Variants in PHAX observed in about 807,000 individuals in gnomAD.
PHAX encodes the protein phosphorylated adapter RNA export protein.
PHAX carries 31 observed loss-of-function variants against 41.6 expected under a neutral mutation model. The observed-to-expected ratio is 0.75, with a 90% confidence interval of 0.56 to 1.01. The LOEUF is 1.01. Ranked by LOEUF, PHAX falls within the 50% of genes least tolerant of loss-of-function variation. The probability of loss-of-function intolerance (pLI) is 0.00; values close to 1 mark genes in which losing one functional copy is unlikely to be tolerated. For synonymous variants in PHAX, 175 were observed against 164.9 expected (o/e 1.06, Z -0.47); for missense variants, 453 against 472.9 (o/e 0.96, Z 0.39).
chr5:126,617,167 CTTAA>C, intron 3 of PHAX, 79 bp from the exon 4 acceptor site: 1 of 775,632 alleles, frequency 1.3e-6, no homozygotes, highest in Non-Finnish European at 2.2e-6. Context: ...CTTCTATCCC[CTTAA>C]TTGTGTCTCT....
intron 1 of PHAX, among the ~76,000 whole-genome samples, chr5:126,601,588 A>G (rs1201928840): frequency 6.6e-6 from 1 of 152,152 alleles, no homozygotes; most frequent in Non-Finnish European, 1.5e-5. Context: ...CGCTCACTCA[A>G]AGATCTGGTT....
chr5:126,601,105 C>CACGA, intron 1 of PHAX, 47 bp downstream of exon 1: 1 of 1,422,950 alleles, frequency 7.0e-7, no homozygotes, highest in Non-Finnish European at 9.8e-7. Flanking sequence ...CGCGCGGAGC[C>CACGA]TGGGCCCCGG....
At position 126,604,183 on chromosome 5, in the gene PHAX, G is replaced by C; in HGVS notation, c.710G>C (p.Arg237Thr). The change falls in exon 2 of 5, where the codon AGG (arginine) becomes ACG (threonine). Residue 237 changes from arginine (R) to threonine (T), a missense_variant and splice_region_variant. Physicochemically the swap from Arg to Thr is moderately conservative, Grantham distance 71. Transcript: ENST00000297540. ...AAAGTGGCTGATGAAATTTCATTCAGGTGAGCATTTGAATTACAAATAAGT... is the reference window on the plus strand; with the variant it reads ...AAAGTGGCTGATGAAATTTCATTCACGTGAGCATTTGAATTACAAATAAGT... ...QEKVADEISFRLQEPKKDLIA... is the reference protein window; with the variant it reads ...QEKVADEISFTLQEPKKDLIA... The C allele has an allele frequency of 6.6e-7, 1 of 1,521,716 alleles. No individual in the cohort carries two copies. The highest frequency in any genetic ancestry group is 2.3e-5 in the East Asian group (1 of 44,132). 94.3% of individuals were successfully genotyped at this position (1,521,716 alleles called of 1,614,324 possible).
At chr5:126,617,772 T>A (rs1480587089) in intron 4 of PHAX, among the ~76,000 whole-genome samples, 1 of 152,088 alleles carries the variant, frequency 6.6e-6, no homozygotes, top group Non-Finnish European at 1.5e-5. Flanking sequence ...GAGCCAGTGC[T>A]CCCAGCCAGC....
rs774279739 is a variant in PHAX at position 126,603,808 on chromosome 5, A to G, written c.335A>G (p.Lys112Arg). 1 of 1,614,174 alleles carries G rather than the reference A, an allele frequency of 6.2e-7. No homozygotes were observed. The highest frequency in any genetic ancestry group is 8.5e-7 in the Non-Finnish European group (1 of 1,180,024). The change falls in exon 2 of 5, where the codon AAG becomes AGG. Residue 112 changes from lysine to arginine, a missense_variant. Transcript: ENST00000297540. ...CAGAAACCACCTGTTGCTGGAGGAA[A>G]GAAGATTAACAACATATGGGGTGCT... ...SSQKPPVAGG[K>R]KINNIWGAVL...
chr5:126,608,405 G>A lies in PHAX; in HGVS notation c.752G>A (p.Arg251Lys), dbSNP rs1323434101. ...PKKDLIARVV[R>K]IIGNKKAIEL... is the part of the protein sequence containing the mutation. Reference sequence around the variant, plus strand: ...AAAGACCTGATAGCCCGAGTAGTGAGGATTATTGGTAACAAAAAGGCAATT... The same window carrying A: ...AAAGACCTGATAGCCCGAGTAGTGAAGATTATTGGTAACAAAAAGGCAATT... The change falls in exon 3 of 5, where the codon AGG becomes AAG. Residue 251 changes from arginine (R) to lysine (K), a missense_variant. Arg to Lys is a conservative substitution (Grantham distance 26). Transcript: ENST00000297540. 1.2e-6 allele frequency: 2 copies of A among 1,613,692 alleles called. No individual in the cohort carries two copies.
At chr5:126,624,090 C>T (rs560399229) in intron 4 of PHAX, among the ~76,000 whole-genome samples, 10 of 148,726 alleles carry the variant, frequency 6.7e-5, no homozygotes, top group African/African-American at 2.0e-4. Flanking sequence ...CTCACTGCAA[C>T]CTCTGTCTCC....
rs370583477 is a variant in PHAX at position 126,617,322 on chromosome 5, G to C, written c.904G>C (p.Glu302Gln). The C allele has an allele frequency of 2.7e-5, 43 of 1,603,256 alleles. No individual in the cohort carries two copies. The highest frequency in any genetic ancestry group is 1.7e-4 in the Middle Eastern group (1 of 6,048). ...LLKNTPSISE[E>Q]QIKDIFYIEN... ...GAAAAACACTCCTAGTATCAGCGAGGAACAAATTAAGGTAATGATAATGTC... is the reference window on the plus strand; with the variant it reads ...GAAAAACACTCCTAGTATCAGCGAGCAACAAATTAAGGTAATGATAATGTC... The change falls in exon 4 of 5, where the codon GAA becomes CAA. Residue 302 changes from glutamate (E) to glutamine (Q), a missense_variant. Glu to Gln is a conservative substitution (Grantham distance 29). Coordinates refer to ENST00000297540, the MANE Select transcript of PHAX (RefSeq NM_032177.4).
At position 126,606,372 on chromosome 5, in the gene PHAX, T is replaced by C. The variant is rs555247992; in HGVS notation, c.711-1992T>C. ...TACAACGCCCAGCTAATTTTTATAT[T>C]TTTTAGTAGAGACAGGGTTTCGCCA... On this transcript the variant is annotated intron_variant, in intron 2 of 4. Coordinates refer to ENST00000297540, the MANE Select transcript of PHAX (RefSeq NM_032177.4). Among the ~76,000 whole-genome samples the C allele has an allele frequency of 7.2e-5, 11 of 152,224 alleles. No individual in the cohort carries two copies. The South Asian group carries it at 2.1e-3, about 29-fold the overall frequency.
chr5:126,606,865 C>G (rs555342276), intron 2 of PHAX, among the ~76,000 whole-genome samples: 57 of 152,158 alleles, frequency 3.7e-4, no homozygotes, highest in African/African-American at 1.3e-3. Context: ...CCTTGTTGAC[C>G]AGGCTGGTCT....
chr5:126,626,919 T>TAATA lies in PHAX; in HGVS notation c.*2076_*2079dup, dbSNP rs982891210. ...GAGCAAGACTTTGTCTCAAAAATAATAATAGTAAAATGTTACATGTGCATG... is the reference window on the plus strand; with the variant it reads ...GAGCAAGACTTTGTCTCAAAAATAATAATAAATAGTAAAATGTTACATGTGCATG... On this transcript the variant is annotated 3_prime_UTR_variant, in exon 5 of 5. Transcript: ENST00000297540. 1 of 152,050 alleles carries TAATA rather than the reference T, an allele frequency of 6.6e-6. No individual in the cohort carries two copies. The highest frequency in any genetic ancestry group is 2.4e-5 in the African/African-American group (1 of 41,416). 9.4% of individuals were successfully genotyped at this position (152,050 alleles called of 1,614,324 possible).
chr5:126,617,361 C>T (rs775151811), intron 4 of PHAX, 28 bp downstream of exon 4: 10 of 1,377,908 alleles, frequency 7.3e-6, no homozygotes, highest in Admixed American at 1.8e-5. Flanking sequence ...ACCTCTTAAG[C>T]GCCATCATAA....
intron 1 of PHAX, among the ~76,000 whole-genome samples, chr5:126,602,127 A>T (rs1751913738): frequency 6.7e-6 from 1 of 148,270 alleles, no homozygotes; most frequent in Non-Finnish European, 1.5e-5. Flanking sequence ...TTGTATTTTT[A>T]GTAGAGACGG....
At position 126,626,413 on chromosome 5, in the gene PHAX, G is replaced by A. The variant is rs965449408; in HGVS notation, c.*1569G>A. ...GTTCAAAACCAACCTGGTCTACATG[G>A]TGAAACCCCATCTCAACTAAAAATA... On this transcript the variant is annotated 3_prime_UTR_variant, in exon 5 of 5. Coordinates refer to ENST00000297540, the MANE Select transcript of PHAX (RefSeq NM_032177.4). The A allele has an allele frequency of 1.3e-5, 2 of 151,976 alleles. No individual in the cohort carries two copies. The highest frequency in any genetic ancestry group is 6.6e-5 in the Admixed American group (1 of 15,238). The allele number at this position is 151,976 out of a possible 1,614,324, so 9.4% of individuals were successfully genotyped here.
intron 3 of PHAX, 49 bp from the exon 4 acceptor site, chr5:126,617,201 A>G (rs976062794): frequency 5.9e-6 from 7 of 1,190,778 alleles, no homozygotes; most frequent in African/African-American, 1.5e-5. Flanking sequence ...TGCCTTGACC[A>G]TTTATGGGAA....
intron 2 of PHAX, among the ~76,000 whole-genome samples, chr5:126,607,795 G>A (rs1409720967): frequency 1.3e-5 from 2 of 152,116 alleles, no homozygotes; most frequent in African/African-American, 4.8e-5. Flanking sequence ...AAATGAAAAC[G>A]ATAGTACCTA....
At chr5:126,601,111 C>A in intron 1 of PHAX, 53 bp downstream of exon 1, 1 of 1,359,752 alleles carries the variant, frequency 7.4e-7, no homozygotes, top group Non-Finnish European at 1.0e-6. Context: ...GAGCCTGGGC[C>A]CCGGGGAGCG....
intron 3 of PHAX, among the ~76,000 whole-genome samples, chr5:126,615,619 C>T (rs950537944): frequency 6.6e-6 from 1 of 150,638 alleles, no homozygotes; most frequent in Admixed American, 6.7e-5. Context: ...AAGACTGTGA[C>T]ATGCGTTAGA....
At position 126,603,795 on chromosome 5, in the gene PHAX, G is replaced by T; in HGVS notation, c.322G>T (p.Val108Phe). The T allele has an allele frequency of 6.2e-7, 1 of 1,614,172 alleles. No individual in the cohort carries two copies. Among genetic ancestry groups the T allele is most frequent in the Non-Finnish European group, 8.5e-7 (1 of 1,180,040 alleles). ...TGGCCAGAGCAGTCAGAAACCACCTGTTGCTGGAGGAAAGAAGATTAACAA... is the reference window on the plus strand; with the variant it reads ...TGGCCAGAGCAGTCAGAAACCACCTTTTGCTGGAGGAAAGAAGATTAACAA... ...QFGQSSQKPP[V>F]AGGKKINNIW... The change falls in exon 2 of 5, where the codon GTT becomes TTT. Residue 108 changes from valine (V) to phenylalanine (F), a missense_variant. Coordinates refer to ENST00000297540, the MANE Select transcript of PHAX (RefSeq NM_032177.4).
Sources: allele counts gnomAD v4.1 joint callset (sites outside exome capture counted in the v4.1 genomes callset), GRCh38; gene constraint gnomAD v4.1.1; transcripts MANE v1.5; gene names NCBI Gene and HGNC (gene_info 2026-07-23, HGNC 2026-07-21).